The following INSL6 variants were observed in gnomAD, a reference collection of about 807,000 sequenced individuals.
INSL6 encodes the protein insulin like 6.
INSL6 carries 16 observed loss-of-function variants against 9.4 expected under a neutral mutation model. The observed-to-expected ratio is 1.70, with a 90% CI of 1.15 to 2.59. The LOEUF is 2.59. Among genes scored for constraint, INSL6 ranks in the 30% most tolerant of loss-of-function variants. The pLI is 0.00. For synonymous variants in INSL6, 154 were observed against 96.9 expected, an observed-to-expected ratio of 1.59 and a Z score of -3.46; for missense variants, 391 against 257.3, an observed-to-expected ratio of 1.52 and a Z score of -3.56.
chr9:5,083,249 T>C, the INSL6 span, among the ~76,000 whole-genome samples: 25 of 152,334 alleles, frequency 1.6e-4, 1 homozygote, highest in South Asian at 5.2e-3. Flanking sequence ...CTGTGCCATA[T>C]TCACTAGCAG....
At chr9:5,182,887 C>G (rs1018123575) in intron 1 of INSL6, among the ~76,000 whole-genome samples, 1 of 152,080 alleles carries the variant, frequency 6.6e-6, no homozygotes, top group Non-Finnish European at 1.5e-5. Flanking sequence ...GGTCCATTAA[C>G]AAGAAGCACA....
At chr9:5,062,177 T>C in the INSL6 span, among the ~76,000 whole-genome samples, 1 of 152,098 alleles carries the variant, frequency 6.6e-6, no homozygotes, top group African/African-American at 2.4e-5. Flanking sequence ...ATTCACAGGA[T>C]GCAAAACCTG....
Position 5,185,473 on chromosome 9 carries a change from G to C in INSL6, c.130C>G (p.Leu44Val), listed in dbSNP as rs981410441. The change falls in exon 1 of 2, where the codon CTC becomes GTC. Residue 44 changes from leucine (L) to valine (V), a missense_variant. Transcript: ENST00000381641. ...TGGCTCCAGTTGGCATGGCCGCAGA[G>C]TTTTTCTATTTCTTTCACCAAGTAC... ...GRYLVKEIEK[L>V]CGHANWSQFR... 3.1e-6 allele frequency: 5 copies of C among 1,614,188 alleles called. No individual in the cohort carries two copies. Among genetic ancestry groups the C allele is most frequent in the Non-Finnish European group, 4.2e-6 (5 of 1,180,038 alleles).
the INSL6 span, chr9:5,072,495 G>C: frequency 6.4e-7 from 1 of 1,560,740 alleles, no homozygotes; most frequent in Non-Finnish European, 8.7e-7. Flanking sequence ...CTTGAAGAAT[G>C]AAAGCCTTGG....
chr9:5,107,388 C>A, the INSL6 span, among the ~76,000 whole-genome samples: 1 of 152,046 alleles, frequency 6.6e-6, no homozygotes, highest in Non-Finnish European at 1.5e-5. Flanking sequence ...CCATAAAATT[C>A]TTCCTAGTAG....
At chr9:5,052,016 C>A in the INSL6 span, among the ~76,000 whole-genome samples, 1 of 151,948 alleles carries the variant, frequency 6.6e-6, no homozygotes, top group African/African-American at 2.4e-5. Context: ...TGAATACTTG[C>A]TGTATGCCAG....
the INSL6 span, among the ~76,000 whole-genome samples, chr9:5,037,039 G>A: frequency 6.6e-6 from 1 of 152,176 alleles, no homozygotes; most frequent in African/African-American, 2.4e-5. Flanking sequence ...CCATCAAAAA[G>A]TGGGCGAAGG....
chr9:5,113,504 G>A, the INSL6 span: 1 of 152,058 alleles, frequency 6.6e-6, no homozygotes. Flanking sequence ...GACTTCAGAG[G>A]GTGACTCCCC....
chr9:4,996,737 A>G, the INSL6 span, among the ~76,000 whole-genome samples: 1 of 152,018 alleles, frequency 6.6e-6, no homozygotes, highest in African/African-American at 2.4e-5. Context: ...AAAGGTAAGT[A>G]TTCTGCGATA....
chr9:5,135,396 G>A (rs1824371730), intron 2 of INSL6, among the ~76,000 whole-genome samples: 2 of 152,170 alleles, frequency 1.3e-5, no homozygotes, highest in South Asian at 4.2e-4. Flanking sequence ...ATCAGCAAAT[G>A]CAAAAGAACA....
At chr9:5,017,782 T>A in the INSL6 span, among the ~76,000 whole-genome samples, 1 of 152,232 alleles carries the variant, frequency 6.6e-6, no homozygotes, top group Non-Finnish European at 1.5e-5. Flanking sequence ...GTTTTATATC[T>A]GTTACAGTAA....
intron 2 of INSL6, among the ~76,000 whole-genome samples, chr9:5,153,235 G>T (rs1824746842): frequency 6.6e-6 from 1 of 152,112 alleles, no homozygotes. Context: ...AGGGAGCCAA[G>T]TAGTCTGGCT....
At position 5,134,674 on chromosome 9, in the gene INSL6, A is replaced by G. The variant is rs1586855219; in HGVS notation, c.377-1082T>C. ...GTCACCATCAGGCCTGCCTAACAAG[A>G]GCTCCTGAAGGAAGCACTAAACATG... On this transcript the variant is annotated intron_variant, in intron 2 of 3. Coordinates refer to the INSL6 transcript ENST00000649639. Among the ~76,000 whole-genome samples the G allele has an allele frequency of 2.0e-5, 3 of 152,308 alleles. No homozygotes were observed. The East Asian group carries it at 5.8e-4, about 29-fold the overall frequency.
At chr9:5,127,937 A>G in intron 3 of INSL6, 1 of 232,478 alleles carries the variant, frequency 4.3e-6, no homozygotes, top group Non-Finnish European at 8.5e-6. Flanking sequence ...ATGCCAGTAG[A>G]AAATTCATAA....
chr9:5,112,127 AC>A, the INSL6 span: 2 of 314,758 alleles, frequency 6.4e-6, no homozygotes, highest in Admixed American at 4.0e-5. Context: ...CTCTGCAGCC[AC>A]GCCATGGGCA....
chr9:5,143,093 G>C (rs931800685), intron 2 of INSL6, among the ~76,000 whole-genome samples: 1 of 152,090 alleles, frequency 6.6e-6, no homozygotes, highest in African/African-American at 2.4e-5. Context: ...GATTCCGTTT[G>C]CCAGTATTTT....
At chr9:5,042,335 C>A in the INSL6 span, among the ~76,000 whole-genome samples, 2 of 151,242 alleles carry the variant, frequency 1.3e-5, no homozygotes, top group South Asian at 4.2e-4. Flanking sequence ...GACGGGGTTT[C>A]ACCTTGTTAG....
the INSL6 span, among the ~76,000 whole-genome samples, chr9:5,005,107 T>C: frequency 9.0e-6 from 1 of 110,626 alleles, no homozygotes; most frequent in African/African-American, 3.4e-5. Context: ...TTTTTTTTTT[T>C]TTTTTTTTTT....
intron 3 of INSL6, chr9:5,132,670 A>G (rs538077353): frequency 5.9e-5 from 9 of 152,318 alleles, no homozygotes; most frequent in Middle Eastern, 3.4e-3. Context: ...CAGATAACTC[A>G]TATTAATGGT....
Sources: gnomAD v4.1 joint callset for allele counts (sites outside exome capture counted in the v4.1 genomes callset) on GRCh38, gnomAD v4.1.1 for gene constraint, MANE v1.5 for transcripts, NCBI Gene and HGNC (gene_info 2026-07-23, HGNC 2026-07-21) for gene names.